LDB2: variants seen among roughly 807,000 people sequenced by gnomAD.
LDB2 encodes the protein LIM domain-binding protein 2.
LDB2 carries 12 observed loss-of-function variants against 44.3 expected under a neutral mutation model. The ratio of observed to expected loss-of-function variants is 0.27; its 90% CI spans 0.17 to 0.44. The LOEUF (loss-of-function observed/expected upper bound fraction) is 0.44, where lower values mean the gene tolerates loss of function less well. LDB2 is among the 20% of genes least tolerant of loss of function. The probability of loss-of-function intolerance (pLI) is 1.00; values close to 1 mark genes in which losing one functional copy is unlikely to be tolerated. For missense variants in LDB2, 344 were observed against 473.5 expected, an observed-to-expected ratio of 0.73 and a Z score of 2.54; for synonymous variants, 164 against 174.8, an observed-to-expected ratio of 0.94 and a Z score of 0.49.
chr4:16,684,989 A>G (rs1264576913), intron 2 of LDB2, among the ~76,000 whole-genome samples: 1 of 152,190 alleles, frequency 6.6e-6, no homozygotes, highest in Non-Finnish European at 1.5e-5. Context: ...GCTGCATTTG[A>G]CCCACAAGCT....
At chr4:16,635,099 C>T (rs1286411180) in intron 2 of LDB2, among the ~76,000 whole-genome samples, 3 of 152,088 alleles carry the variant, frequency 2.0e-5, no homozygotes, top group African/African-American at 7.2e-5. Context: ...AATGAGAACA[C>T]ATGGACACAG....
chr4:16,521,098 C>T (rs866881127), intron 5 of LDB2, among the ~76,000 whole-genome samples: 5 of 152,154 alleles, frequency 3.3e-5, no homozygotes, highest in South Asian at 4.1e-4. Flanking sequence ...GTTGGAGGTA[C>T]TCAGGGAGAT....
At chr4:16,601,425 G>A (rs1487317535) in intron 2 of LDB2, among the ~76,000 whole-genome samples, 1 of 152,112 alleles carries the variant, frequency 6.6e-6, no homozygotes, top group Non-Finnish European at 1.5e-5. Context: ...AGAAACAGAA[G>A]GGGTTGAGAG....
At chr4:16,800,522 A>G (rs952430712) in intron 1 of LDB2, among the ~76,000 whole-genome samples, 6 of 152,196 alleles carry the variant, frequency 3.9e-5, no homozygotes, top group African/African-American at 1.4e-4. Context: ...CCTTTTATAA[A>G]CAATCATCCG....
intron 1 of LDB2, among the ~76,000 whole-genome samples, chr4:16,812,865 C>T (rs1780168360): frequency 6.6e-6 from 1 of 151,862 alleles, no homozygotes; most frequent in African/African-American, 2.4e-5. Flanking sequence ...AAATATTATG[C>T]CAACATTTCC....
intron 2 of LDB2, among the ~76,000 whole-genome samples, chr4:16,655,986 A>G (rs1309720214): frequency 6.1e-5 from 8 of 130,816 alleles, no homozygotes; most frequent in African/African-American, 2.3e-4. Context: ...TGCAAGCTCC[A>G]CCTCCCGGGT....
At position 16,747,066 on chromosome 4, in the gene LDB2, G is replaced by A. The variant is rs150616085; in HGVS notation, c.235+12092C>T. ...TCTTACAAGTCCCATAACTAATGTC[G>A]ATGAGACAATGCTGAAGACGAGCCT... On this transcript the variant is annotated intron_variant, in intron 2 of 7. Transcript: ENST00000304523. 1.8e-4 allele frequency among the ~76,000 whole-genome samples: 28 copies of A among 152,262 alleles called. No individual in the cohort carries two copies. The East Asian group carries it at 4.6e-3, about 25-fold the overall frequency.
At chr4:16,657,120 T>A (rs1352654855) in intron 2 of LDB2, among the ~76,000 whole-genome samples, 2 of 152,126 alleles carry the variant, frequency 1.3e-5, no homozygotes, top group Non-Finnish European at 2.9e-5. Flanking sequence ...AAGCGGACAA[T>A]ATAAAGAGAT....
chr4:16,674,787 GCACA>G (rs34491459), intron 2 of LDB2, among the ~76,000 whole-genome samples: 4 of 150,622 alleles, frequency 2.7e-5, no homozygotes, highest in African/African-American at 4.9e-5. Context: ...TCTACCGAAA[GCACA>G]CACACACACA....
At chr4:16,657,280 T>C (rs1003078186) in intron 2 of LDB2, among the ~76,000 whole-genome samples, 2 of 152,238 alleles carry the variant, frequency 1.3e-5, no homozygotes, top group African/African-American at 4.8e-5. Context: ...TGCTGGATAG[T>C]GCCATGATGC....
chr4:16,873,246 T>A lies in LDB2; in HGVS notation c.132+25108A>T, dbSNP rs186847121. ...TGTAGAAGAGAGAATGAACTTATTT[T>A]GTACAAGTTCAGAAAAGGGCTGGTG... On this transcript the variant is annotated intron_variant, in intron 1 of 7. Transcript: ENST00000304523. Among the ~76,000 whole-genome samples, 4 of 152,346 alleles carry A rather than the reference T, an allele frequency of 2.6e-5. No homozygotes were observed. In the East Asian group the frequency reaches 7.7e-4, roughly 29 times the overall value.
intron 2 of LDB2, among the ~76,000 whole-genome samples, chr4:16,722,264 C>G (rs1758433449): frequency 6.6e-6 from 1 of 152,036 alleles, no homozygotes; most frequent in African/African-American, 2.4e-5. Flanking sequence ...ATTAGTAAAC[C>G]CACTTTACAG....
chr4:16,755,700 G>A (rs1366544996), intron 2 of LDB2, among the ~76,000 whole-genome samples: 2 of 152,054 alleles, frequency 1.3e-5, no homozygotes, highest in Non-Finnish European at 2.9e-5. Flanking sequence ...CTACTGACCT[G>A]CTGCCAGGGA....
intron 1 of LDB2, among the ~76,000 whole-genome samples, chr4:16,821,636 A>G (rs12649354): frequency 0.24 from 34,843 of 145,314 alleles, 4,656 homozygotes; most frequent in East Asian, 0.59. Context: ...TGATCTGCCC[A>G]CCTCGGCCTC....
At chr4:16,897,553 C>G (rs1218643563) in intron 1 of LDB2, among the ~76,000 whole-genome samples, 1 of 152,036 alleles carries the variant, frequency 6.6e-6, no homozygotes, top group Non-Finnish European at 1.5e-5. Context: ...TCTCTCTGCT[C>G]CCAGAGTTGC....
chr4:16,857,049 A>G lies in LDB2; in HGVS notation c.132+41305T>C, dbSNP rs534005277. Reference sequence around the variant, plus strand: ...AGACTTGAAGTCCCACTTTCTTCTTAGAGCTTTTGTTGACCATGCAAGCCC... The same window carrying G: ...AGACTTGAAGTCCCACTTTCTTCTTGGAGCTTTTGTTGACCATGCAAGCCC... On this transcript the variant is annotated intron_variant, in intron 1 of 7. Coordinates refer to ENST00000304523, the MANE Select transcript of LDB2 (RefSeq NM_001290.5). 3.9e-5 allele frequency among the ~76,000 whole-genome samples: 6 copies of G among 152,284 alleles called. No homozygotes were observed. The East Asian group carries it at 7.7e-4, about 20-fold the overall frequency.
At chr4:16,743,513 T>C (rs993281000) in intron 2 of LDB2, among the ~76,000 whole-genome samples, 2 of 152,058 alleles carry the variant, frequency 1.3e-5, no homozygotes, top group Admixed American at 6.6e-5. Context: ...TCAGATGACT[T>C]TGGGTTCATG....
intron 2 of LDB2, among the ~76,000 whole-genome samples, chr4:16,714,285 A>T (rs1317550034): frequency 1.3e-5 from 2 of 152,232 alleles, no homozygotes; most frequent in Non-Finnish European, 2.9e-5. Context: ...TTACTTGTTC[A>T]AGAAAAGCAC....
chr4:16,667,969 T>C lies in LDB2; in HGVS notation c.236-72094A>G, dbSNP rs184255124. 5.9e-5 allele frequency among the ~76,000 whole-genome samples: 9 copies of C among 152,286 alleles called. No homozygotes were observed. In the East Asian group the frequency reaches 1.7e-3, roughly 29 times the overall value. ...TCTCATCACAGACAAGAATATCCTA[T>C]ATAACAGAATTCTTTAAATACAGGC... On this transcript the variant is annotated intron_variant, in intron 2 of 7. Coordinates refer to ENST00000304523, the MANE Select transcript of LDB2 (RefSeq NM_001290.5).
Sources: gnomAD v4.1 joint callset for allele counts (sites outside exome capture counted in the v4.1 genomes callset) on GRCh38, gnomAD v4.1.1 for gene constraint, MANE v1.5 for transcripts, NCBI Gene and HGNC (gene_info 2026-07-23, HGNC 2026-07-21) for gene names.